The following NBPF11 variants were observed in gnomAD, a reference collection of about 807,000 sequenced individuals.
NBPF11 encodes the protein NBPF family member NBPF11.
In NBPF11, 72 loss-of-function variants were observed where a neutral mutation model predicts 93.9. That is an observed-to-expected ratio of 0.77 (90% CI 0.63 to 0.93). NBPF11 has a LOEUF of 0.93. Ranked by LOEUF, NBPF11 falls within the 40% of genes least tolerant of loss-of-function variation. NBPF11 has a pLI of 0.00. For missense variants in NBPF11, 705 were observed against 802.2 expected (o/e 0.88, Z 1.46); for synonymous variants, 224 against 304.9 (o/e 0.73, Z 2.76).
intron 15 of NBPF11, among the ~76,000 whole-genome samples, chr1:148,113,263 G>C (rs1665739486): frequency 6.6e-6 from 1 of 151,864 alleles, no homozygotes; most frequent in African/African-American, 2.4e-5. Context: ...CAAAATAAAG[G>C]GATGGAGGAA....
At chr1:148,141,472 CTAT>C (rs1672157886) in intron 2 of NBPF11, among the ~76,000 whole-genome samples, 1 of 152,080 alleles carries the variant, frequency 6.6e-6, no homozygotes, top group Non-Finnish European at 1.5e-5. Flanking sequence ...AAAATAACAT[CTAT>C]TACTTTTTTT....
At position 148,108,596 on chromosome 1, in the gene NBPF11, T is replaced by C. The variant is rs1281982116; in HGVS notation, c.1912A>G (p.Arg638Gly). 51 of 1,550,532 alleles carry C rather than the reference T, an allele frequency of 3.3e-5. No homozygotes were observed. The highest frequency in any genetic ancestry group is 2.6e-4 in the South Asian group (23 of 89,786). ...TAAACTGAAGGAGTTGAATAACATC[T>C]ATCCAGTGAGTCCTGCAAGACTTCA... is the stretch of plus-strand genomic sequence containing the variant. ...EPEVLQDSLD[R>G]CYSTPSVYLG... Residue 638 changes from arginine (R) to glycine (G), a missense_variant, in exon 18 of 24, where the codon AGA becomes GGA. Around this residue, in one of 12 missense-constraint regions of NBPF11, gnomAD observed 97 missense variants for 65.0 expected, o/e 1.49. Coordinates refer to ENST00000682118, the MANE Select transcript of NBPF11 (RefSeq NM_001385469.3).
Position 148,107,506 on chromosome 1 carries a change from G to A in NBPF11, c.2078+205C>T, listed in dbSNP as rs1242522789. ...GTTGCCATACGGCCTTTGAGGTATG[G>A]TCAACCTATAGTAAGTTAGTAAATG... On this transcript the variant is annotated intron_variant, in intron 19 of 23. Transcript: ENST00000682118. 2.0e-5 allele frequency among the ~76,000 whole-genome samples: 3 copies of A among 152,306 alleles called. No homozygotes were observed. In the East Asian group the frequency reaches 5.8e-4, roughly 29 times the overall value.
At position 148,110,292 on chromosome 1, in the gene NBPF11, C is replaced by T. The variant is rs1202183695; in HGVS notation, c.1801+86G>A. The T allele has an allele frequency of 3.2e-5, 49 of 1,546,540 alleles. 4 individuals carry two copies. Among genetic ancestry groups the T allele is most frequent in the Non-Finnish European group, 4.4e-5 (49 of 1,125,704 alleles). On this transcript the variant is annotated intron_variant, in intron 16 of 23. Transcript: ENST00000682118. The stretch of plus-strand genomic sequence containing the variant: ...GCCCACAGTGATGGCAACTCTCAGC[C>T]CAACCAGGGGCACAAGGCCCAAAGA...
At position 148,110,428 on chromosome 1, in the gene NBPF11, G is replaced by A; in HGVS notation, c.1751C>T (p.Thr584Ile). Residue 584 changes from threonine to isoleucine, a missense_variant, in exon 16 of 24, where the codon ACA becomes ATA. Around this residue, in one of 12 missense-constraint regions of NBPF11, gnomAD observed 19 missense variants for 16.3 expected, o/e 1.17. Coordinates refer to ENST00000682118, the MANE Select transcript of NBPF11 (RefSeq NM_001385469.3). ...RLASYQSYSS[T>I]FHSLEEQQVC... ...TTGCTGTTCCTCTAATGAGTGAAATGTGCTGCTGTAAGACTGGTACGAGGC... is the reference window on the plus strand; with the variant it reads ...TTGCTGTTCCTCTAATGAGTGAAATATGCTGCTGTAAGACTGGTACGAGGC... The A allele has an allele frequency of 6.3e-7, 1 of 1,593,392 alleles. No individual in the cohort carries two copies. The highest frequency in any genetic ancestry group is 1.3e-5 in the African/African-American group (1 of 74,218).
intron 1 of NBPF11, among the ~76,000 whole-genome samples, chr1:148,150,147 C>A (rs1647918666): frequency 6.8e-6 from 1 of 147,652 alleles, no homozygotes; most frequent in Non-Finnish European, 1.5e-5. Context: ...AAACACATGA[C>A]CTGTACTTTT....
chr1:148,149,570 C>T lies in NBPF11; in HGVS notation c.-549+2180G>A, dbSNP rs1460500149. The T allele has an allele frequency of 3.4e-5, 54 of 1,593,568 alleles. 1 individual carries two copies. In the African/African-American group the frequency reaches 4.4e-4, roughly 13 times the overall value. On this transcript the variant is annotated intron_variant, in intron 1 of 23. Coordinates refer to ENST00000682118, the MANE Select transcript of NBPF11 (RefSeq NM_001385469.3). The stretch of plus-strand genomic sequence containing the variant: ...GCTGCCCAGCCAGCGCGCCTAGCGG[C>T]GGCCCCAACCAGCCGGACCTCAGCA...
intron 1 of NBPF11, chr1:148,146,868 C>G: frequency 6.2e-7 from 1 of 1,613,730 alleles, no homozygotes; most frequent in African/African-American, 1.3e-5. Context: ...GCAGGCCTTC[C>G]GAGAGGAACC....
Position 148,103,742 on chromosome 1 carries a change from T to C in NBPF11, c.*154A>G, listed in dbSNP as rs1457551450. The C allele has an allele frequency of 5.6e-6, 9 of 1,611,560 alleles. No homozygotes were observed. In the African/African-American group the frequency reaches 1.1e-4, roughly 19 times the overall value. ...CACCGTCAAAGTAAAAAACCTATTG[T>C]CCATGTCAAGGGCAAAGCTGATGTG... On this transcript the variant is annotated 3_prime_UTR_variant, in exon 24 of 24. Transcript: ENST00000682118.
chr1:148,140,709 T>A (rs1233864012), intron 2 of NBPF11, among the ~76,000 whole-genome samples: 2 of 151,928 alleles, frequency 1.3e-5, no homozygotes, highest in African/African-American at 4.8e-5. Context: ...GATATCACCA[T>A]AAACCTATCA....
rs1667622963 is a variant in NBPF11 at position 148,120,707 on chromosome 1, G to C, written c.782C>G (p.Pro261Arg). 3 of 1,505,026 alleles carry C rather than the reference G, an allele frequency of 2.0e-6. No homozygotes were observed. The African/African-American group carries it at 4.1e-5, about 21-fold the overall frequency. The allele number at this position is 1,505,026 out of a possible 1,614,324, so 93.2% of individuals were successfully genotyped here. ...CQDALNILPV[P>R]GPTSSATNVS... ...GTTTGTGGCAGAAGAGGTGGGGCCAGGGACTGGGGAGAAGAAAGGCAAACA... is the reference window on the plus strand; with the variant it reads ...GTTTGTGGCAGAAGAGGTGGGGCCACGGACTGGGGAGAAGAAAGGCAAACA... Residue 261 changes from proline (P) to arginine (R), a missense_variant, in exon 10 of 24, where the codon CCT (proline) becomes CGT (arginine). Coordinates refer to ENST00000682118, the MANE Select transcript of NBPF11 (RefSeq NM_001385469.3).
Position 148,123,148 on chromosome 1 carries a change from G to A in NBPF11, c.494-347C>T, listed in dbSNP as rs1337263686. ...CAGGCTTGGTGTCCTGTCACAGTTC[G>A]CATTTCAAACCTCATTCATTCTCTT... On this transcript the variant is annotated intron_variant, in intron 7 of 23. Transcript: ENST00000682118. Among the ~76,000 whole-genome samples the A allele has an allele frequency of 1.2e-4, 18 of 152,072 alleles. 1 individual carries two copies. Among genetic ancestry groups the A allele is most frequent in the Admixed American group, 3.3e-4 (5 of 15,284 alleles).
At chr1:148,106,312 CA>C (rs1461459262) in intron 20 of NBPF11, 80 bp from the exon 21 acceptor site, 1 of 685,568 alleles carries the variant, frequency 1.5e-6, no homozygotes, top group Non-Finnish European at 2.6e-6. Flanking sequence ...AATCCCCACA[CA>C]GGGATCTCAG....
intron 3 of NBPF11, among the ~76,000 whole-genome samples, chr1:148,137,335 C>G (rs2746956): frequency 0.28 from 41,744 of 148,354 alleles, 6,585 homozygotes; most frequent in African/African-American, 0.44. Flanking sequence ...TCAGAGTAGA[C>G]TGTCTCCCCG....
chr1:148,127,849 G>T (rs1276914638), intron 4 of NBPF11, among the ~76,000 whole-genome samples: 1 of 151,566 alleles, frequency 6.6e-6, no homozygotes, highest in South Asian at 2.1e-4. Context: ...GTAGAGACGG[G>T]GTTTCACTGT....
intron 20 of NBPF11, among the ~76,000 whole-genome samples, 196 bp from the exon 21 acceptor site, chr1:148,106,428 T>C (rs1400046303): frequency 1.4e-5 from 2 of 147,554 alleles, no homozygotes; most frequent in Non-Finnish European, 3.0e-5. Context: ...GGGTGAAATA[T>C]CCCTATTCTG....
Position 148,120,552 on chromosome 1 carries a change from A to G in NBPF11, c.937T>C (p.Cys313Arg), listed in dbSNP as rs1367831642. Residue 313 changes from cysteine (C) to arginine (R), a missense_variant, in exon 10 of 24, where the codon TGT (cysteine) becomes CGT (arginine). This residue lies in a region of NBPF11 where 262 missense variants were observed against 223.1 expected (regional missense o/e 1.17). Coordinates refer to ENST00000682118, the MANE Select transcript of NBPF11 (RefSeq NM_001385469.3). ...KQQFRSLKEK[C>R]FVTQVACFLA... ...AAGCAGGCCACTTGAGTTACAAAAC[A>G]TTTCTCTTTGAGGCTTCTGAACTGC... The G allele has an allele frequency of 4.4e-6, 5 of 1,135,210 alleles. No homozygotes were observed. Among genetic ancestry groups the G allele is most frequent in the Non-Finnish European group, 6.7e-6 (5 of 743,614 alleles). The allele number at this position is 1,135,210 out of a possible 1,614,324, so 70.3% of individuals were successfully genotyped here.
At position 148,122,127 on chromosome 1, in the gene NBPF11, C is replaced by T; in HGVS notation, c.706G>A (p.Val236Ile). Reference protein sequence around the residue: ...NIKITFEEDKVNSSLVVDRES... With the variant: ...NIKITFEEDKINSSLVVDRES... ...CTGTCTACAACCAGAGATGAGTTGA[C>T]TTTGTCTTCCTCAAATGTGATTTTG... The change falls in exon 9 of 24, where the codon GTC becomes ATC. Residue 236 changes from valine to isoleucine, a missense_variant. By Grantham distance (29) the Val-to-Ile change is conservative (BLOSUM62 3). Transcript: ENST00000682118. 6.2e-7 allele frequency: 1 copy of T among 1,613,430 alleles called. No individual in the cohort carries two copies. Among genetic ancestry groups the T allele is most frequent in the Non-Finnish European group, 8.5e-7 (1 of 1,179,612 alleles).
chr1:148,122,577 G>T (rs1169838396), intron 8 of NBPF11, 152 bp downstream of exon 8: 6 of 1,179,532 alleles, frequency 5.1e-6, no homozygotes, highest in Non-Finnish European at 7.5e-6. Context: ...CACAACAGCT[G>T]CCGCACCCTG....
Sources: gnomAD v4.1 joint callset for allele counts (sites outside exome capture counted in the v4.1 genomes callset) on GRCh38, gnomAD v4.1.1 for gene constraint, gnomAD v4.1.1 regional missense constraint, MANE v1.5 for transcripts, NCBI Gene and HGNC (gene_info 2026-07-23, HGNC 2026-07-21) for gene names.